Variants in ANKH observed in about 807,000 individuals in gnomAD.
ANKH encodes mineralization regulator ANKH.
A neutral mutation model predicts 49.0 loss-of-function variants in ANKH; 15 were observed. The observed-to-expected ratio is 0.31, with a 90% confidence interval of 0.20 to 0.47. The LOEUF (loss-of-function observed/expected upper bound fraction) is 0.47, where lower values mean the gene tolerates loss of function less well. Among genes scored for constraint, ANKH ranks in the 20% least tolerant of loss-of-function variants. The probability of loss-of-function intolerance (pLI) is 1.00; values close to 1 mark genes in which losing one functional copy is unlikely to be tolerated. For synonymous variants in ANKH, 273 were observed against 260.0 expected (o/e 1.05, Z -0.48); for missense variants, 429 against 652.0 (o/e 0.66, Z 3.72).
intron 2 of ANKH, among the ~76,000 whole-genome samples, chr5:14,765,960 A>T (rs910138725): frequency 2.0e-5 from 3 of 152,244 alleles, no homozygotes; most frequent in Non-Finnish European, 4.4e-5. Flanking sequence ...GTCAAAGTTC[A>T]TCCAGACTGG....
chr5:14,811,968 C>T (rs1055324329), intron 1 of ANKH, among the ~76,000 whole-genome samples: 3 of 152,132 alleles, frequency 2.0e-5, no homozygotes, highest in Admixed American at 6.5e-5. Context: ...TTTTAGAAGT[C>T]TGAATGTAGA....
intron 1 of ANKH, among the ~76,000 whole-genome samples, chr5:14,773,452 G>C (rs1218657841): frequency 2.1e-5 from 3 of 139,732 alleles, no homozygotes; most frequent in African/African-American, 8.0e-5. Flanking sequence ...TCCCGGACTT[G>C]AGTCCTCAAG....
chr5:14,730,284 CAAAG>C (rs1417163405), intron 8 of ANKH, among the ~76,000 whole-genome samples: 2 of 152,104 alleles, frequency 1.3e-5, no homozygotes, highest in African/African-American at 4.8e-5. Context: ...GGGCTGCTGA[CAAAG>C]AGAGTGGCCA....
intron 1 of ANKH, among the ~76,000 whole-genome samples, chr5:14,834,208 C>A (rs1273487452): frequency 3.4e-5 from 5 of 148,404 alleles, no homozygotes; most frequent in African/African-American, 1.3e-4. Context: ...TGACCCTAGA[C>A]AAGTGATCTC....
rs750571370 is a variant in ANKH, at chr5:14,711,187, G to A, written c.*10C>T. On this transcript the variant is annotated 3_prime_UTR_variant, in exon 12 of 12. Transcript: ENST00000284268. The stretch of plus-strand genomic sequence containing the variant: ...TGACTGTCCCTGCAGTGCCCATGGC[G>A]TCCCGTGCCTTATTCATTCTCCTCT... 44 of 1,607,334 alleles carry A rather than the reference G, an allele frequency of 2.7e-5. No homozygotes were observed. The highest frequency in any genetic ancestry group is 2.5e-4 in the Admixed American group (15 of 60,002).
chr5:14,781,071 G>C (rs1437180717), intron 1 of ANKH, among the ~76,000 whole-genome samples: 1 of 152,182 alleles, frequency 6.6e-6, no homozygotes, highest in African/African-American at 2.4e-5. Context: ...CTCTCAAGGA[G>C]CCTGGGTTCC....
chr5:14,815,597 T>C (rs992875516), intron 1 of ANKH, among the ~76,000 whole-genome samples: 2 of 152,218 alleles, frequency 1.3e-5, no homozygotes, highest in African/African-American at 4.8e-5. Context: ...AGTTATTTGC[T>C]TCTTGTGCCT....
In ANKH at chr5:14,770,625, G is replaced by A. The variant is rs1470171252; in HGVS notation, c.97-1434C>T. 6.6e-6 allele frequency among the ~76,000 whole-genome samples: 1 copy of A among 152,156 alleles called. No homozygotes were observed. The highest frequency in any genetic ancestry group is 1.5e-5 in the Non-Finnish European group (1 of 68,022). On this transcript the variant is annotated intron_variant, in intron 1 of 11. Coordinates refer to ENST00000284268, the MANE Select transcript of ANKH (RefSeq NM_054027.6). This position sits in a 1 kb window ranked among gnomAD's most constrained non-coding sequence, Gnocchi z 4.1. ...AGGAAGAGATGAAGCAAGATGGTGA[G>A]AGATTTCATTACACTACTCGGAATG...
At chr5:14,761,005 C>A (rs1419530595) in intron 2 of ANKH, among the ~76,000 whole-genome samples, 1 of 152,134 alleles carries the variant, frequency 6.6e-6, no homozygotes, top group Non-Finnish European at 1.5e-5. Flanking sequence ...GGCTCTCAAT[C>A]CAATGACTGA....
intron 1 of ANKH, among the ~76,000 whole-genome samples, chr5:14,803,486 G>A (rs991457523): frequency 5.3e-5 from 8 of 152,030 alleles, no homozygotes; most frequent in African/African-American, 1.7e-4. Flanking sequence ...CGCCATCTTG[G>A]CCAGGCTGGT....
chr5:14,860,752 AT>A (rs1735459185), intron 1 of ANKH, among the ~76,000 whole-genome samples: 1 of 151,978 alleles, frequency 6.6e-6, no homozygotes, highest in African/African-American at 2.4e-5. Flanking sequence ...CGTTATATAT[AT>A]TTTTATTTTA....
chr5:14,796,713 A>C (rs1740402428), intron 1 of ANKH, among the ~76,000 whole-genome samples: 1 of 152,206 alleles, frequency 6.6e-6, no homozygotes, highest in Non-Finnish European at 1.5e-5. Context: ...CTATTTCCTG[A>C]ATAAAAGTGA....
intron 1 of ANKH, among the ~76,000 whole-genome samples, chr5:14,815,590 T>G (rs26306): frequency 0.47 from 71,316 of 152,076 alleles, 17,027 homozygotes; most frequent in East Asian, 0.75. Context: ...CTGTGCTAGT[T>G]ATTTGCTTCT....
At chr5:14,841,171 A>AG (rs1741804124) in intron 1 of ANKH, among the ~76,000 whole-genome samples, 1 of 152,236 alleles carries the variant, frequency 6.6e-6, no homozygotes, top group South Asian at 2.1e-4. Flanking sequence ...TATTTAAAAA[A>AG]CAAAAGAAAA....
At chr5:14,726,056 G>A (rs1737813485) in intron 8 of ANKH, among the ~76,000 whole-genome samples, 1 of 152,208 alleles carries the variant, frequency 6.6e-6, no homozygotes, top group East Asian at 1.9e-4. Context: ...TCTTGGGGGA[G>A]GGGCAGCTTT....
chr5:14,811,058 G>C (rs1427699313), intron 1 of ANKH, among the ~76,000 whole-genome samples: 1 of 152,164 alleles, frequency 6.6e-6, no homozygotes. Context: ...TCCTGCAAGT[G>C]CAGATCATGA....
chr5:14,846,364 G>A (rs1741960600), intron 1 of ANKH, among the ~76,000 whole-genome samples: 1 of 152,064 alleles, frequency 6.6e-6, no homozygotes, highest in South Asian at 2.1e-4. Context: ...CCTCATTATA[G>A]AGCAGTGGGA....
intron 1 of ANKH, among the ~76,000 whole-genome samples, chr5:14,867,245 C>A (rs1735673993): frequency 6.6e-6 from 1 of 151,604 alleles, no homozygotes; most frequent in Non-Finnish European, 1.5e-5. Flanking sequence ...AGAACTTATT[C>A]CTAAATTTAT....
intron 1 of ANKH, among the ~76,000 whole-genome samples, chr5:14,783,367 T>G (rs1210472935): frequency 6.6e-6 from 1 of 151,302 alleles, no homozygotes; most frequent in African/African-American, 2.4e-5. Flanking sequence ...AAAATTAAAA[T>G]AGCACTATTT....
Sources: allele counts gnomAD v4.1 joint callset (sites outside exome capture counted in the v4.1 genomes callset), GRCh38; gene constraint gnomAD v4.1.1; non-coding constraint Gnocchi (gnomAD v3.1); transcripts MANE v1.5; gene names NCBI Gene and HGNC (gene_info 2026-07-23, HGNC 2026-07-21).